Variants in COL25A1 observed in about 807,000 individuals in gnomAD.
COL25A1 encodes collagen alpha-1(XXV) chain.
Under a neutral mutation model 128.4 loss-of-function variants are expected in COL25A1, and 103 were observed. That is an observed-to-expected ratio of 0.80 (90% confidence interval 0.68 to 0.94). The LOEUF (loss-of-function observed/expected upper bound fraction) is 0.94. Ranked by LOEUF, COL25A1 falls within the 40% of genes least tolerant of loss-of-function variation. The probability of loss-of-function intolerance (pLI) is 0.00; values close to 1 mark genes in which losing one functional copy is unlikely to be tolerated. For synonymous variants in COL25A1, 279 were observed against 277.2 expected (o/e 1.01, Z -0.06); for missense variants, 745 against 840.0 (o/e 0.89, Z 1.40).
At chr4:109,000,761 A>C (rs1187109901) in intron 6 of COL25A1, among the ~76,000 whole-genome samples, 8 of 142,858 alleles carry the variant, frequency 5.6e-5, no homozygotes, top group African/African-American at 1.8e-4. Flanking sequence ...AAAAAAAAAA[A>C]AAAAAAAGAA....
chr4:109,251,335 C>A (rs952332682), intron 3 of COL25A1, among the ~76,000 whole-genome samples: 1 of 152,166 alleles, frequency 6.6e-6, no homozygotes, highest in Admixed American at 6.5e-5. Context: ...TGTTTCTTTA[C>A]CTGGTAGAGT....
intron 3 of COL25A1, among the ~76,000 whole-genome samples, chr4:109,101,833 A>G (rs1342184558): frequency 1.3e-5 from 2 of 152,106 alleles, no homozygotes; most frequent in Non-Finnish European, 2.9e-5. Flanking sequence ...CCCCTTTCAC[A>G]CATCCTGAAC....
Position 109,206,643 on chromosome 4 carries a change from A to G in COL25A1, c.367+93940T>C, listed in dbSNP as rs150655907. Among the ~76,000 whole-genome samples, 680 of 152,306 alleles carry G rather than the reference A, an allele frequency of 4.5e-3. 6 individuals carry two copies. The highest frequency in any genetic ancestry group is 0.017 in the Middle Eastern group (5 of 294). On this transcript the variant is annotated intron_variant, in intron 3 of 37. Transcript: ENST00000399132. The stretch of plus-strand genomic sequence containing the variant: ...GATGCTGCTCTATTTGGCCATCTTC[A>G]GTGCTCTAAAAGAATCCAGATTTTT...
At chr4:108,956,513 C>A (rs1282583702) in intron 8 of COL25A1, among the ~76,000 whole-genome samples, 1 of 152,214 alleles carries the variant, frequency 6.6e-6, no homozygotes, top group Non-Finnish European at 1.5e-5. Flanking sequence ...TCAAGTGATT[C>A]TCCTGCCTCA....
At chr4:109,200,711 C>T (rs1164884215) in intron 3 of COL25A1, among the ~76,000 whole-genome samples, 1 of 152,182 alleles carries the variant, frequency 6.6e-6, no homozygotes, top group Non-Finnish European at 1.5e-5. Context: ...CTTGGCCTCC[C>T]AAAGTGCTGG....
intron 3 of COL25A1, among the ~76,000 whole-genome samples, chr4:109,056,695 C>T (rs1342010107): frequency 1.3e-5 from 2 of 151,328 alleles, no homozygotes; most frequent in South Asian, 2.1e-4. Context: ...TCAGTATATA[C>T]ATTAGACCAC....
chr4:109,286,628 G>A (rs1723916441), intron 3 of COL25A1, among the ~76,000 whole-genome samples: 1 of 152,094 alleles, frequency 6.6e-6, no homozygotes, highest in African/African-American at 2.4e-5. Context: ...AAGCAGTCTT[G>A]GTTATGGAAG....
At chr4:108,879,666 C>T (rs1277881422) in intron 19 of COL25A1, among the ~76,000 whole-genome samples, 1 of 152,022 alleles carries the variant, frequency 6.6e-6, no homozygotes, top group Admixed American at 6.6e-5. Context: ...AGGCTGGTCT[C>T]GAACTCCTGA....
At chr4:109,030,743 T>C (rs545372791) in intron 5 of COL25A1, among the ~76,000 whole-genome samples, 1 of 150,136 alleles carries the variant, frequency 6.7e-6, no homozygotes, top group African/African-American at 2.5e-5. Context: ...TTTAAAAGGG[T>C]AAAACTTCAT....
chr4:109,217,016 C>T (rs1231769086), intron 3 of COL25A1, among the ~76,000 whole-genome samples: 1 of 152,072 alleles, frequency 6.6e-6, no homozygotes, highest in East Asian at 1.9e-4. Flanking sequence ...TTACATTACT[C>T]TTTTTAAAAA....
At chr4:108,881,361 T>G (rs2125830491) in intron 19 of COL25A1, among the ~76,000 whole-genome samples, 1 of 152,208 alleles carries the variant, frequency 6.6e-6, no homozygotes, top group East Asian at 1.9e-4. Context: ...GAATCAAAGC[T>G]TCCCTGGTAT....
At chr4:109,112,969 C>G (rs3108939) in intron 3 of COL25A1, among the ~76,000 whole-genome samples, 32,244 of 151,978 alleles carry the variant, frequency 0.21, 4,071 homozygotes, top group East Asian at 0.39. Context: ...GACCCCTGAA[C>G]AGTCAAGTTT....
At position 108,889,750 on chromosome 4, in the gene COL25A1, GAGA is replaced by G. The variant is rs1322192536; in HGVS notation, c.907-20_907-18del. Reference sequence around the variant, plus strand: ...AGGGTCACCCTAAAACGAAACCCAGGAGAGATTATCTCACAAGTTATGGGAATA... The same window carrying G: ...AGGGTCACCCTAAAACGAAACCCAGGGATTATCTCACAAGTTATGGGAATA... On this transcript the variant is annotated intron_variant, in intron 16 of 37. Coordinates refer to ENST00000399132, the MANE Select transcript of COL25A1 (RefSeq NM_198721.4). 6.2e-7 allele frequency: 1 copy of G among 1,611,570 alleles called. No individual in the cohort carries two copies.
chr4:109,108,725 T>TA (rs1766698040), intron 3 of COL25A1, among the ~76,000 whole-genome samples: 1 of 152,170 alleles, frequency 6.6e-6, no homozygotes. Flanking sequence ...AGGTGATTTT[T>TA]AAAAAAAATA....
chr4:109,075,942 A>T (rs1164801668), intron 3 of COL25A1, among the ~76,000 whole-genome samples: 2 of 152,200 alleles, frequency 1.3e-5, no homozygotes, highest in Non-Finnish European at 2.9e-5. Flanking sequence ...ACAGATAGAA[A>T]ATATTTGGGA....
intron 16 of COL25A1, among the ~76,000 whole-genome samples, chr4:108,890,954 C>A (rs1369479022): frequency 6.6e-6 from 1 of 152,196 alleles, no homozygotes; most frequent in Non-Finnish European, 1.5e-5. Flanking sequence ...CATCTTACTC[C>A]GTAGCATCAT....
chr4:108,848,727 T>C (rs1735402455), intron 27 of COL25A1, 32 bp downstream of exon 27: 1 of 1,455,122 alleles, frequency 6.9e-7, no homozygotes, highest in Non-Finnish European at 9.6e-7. Flanking sequence ...AGAATGATGC[T>C]TTAAATAATA....
At chr4:108,890,611 G>A (rs1460410832) in intron 16 of COL25A1, among the ~76,000 whole-genome samples, 1 of 152,152 alleles carries the variant, frequency 6.6e-6, no homozygotes, top group Non-Finnish European at 1.5e-5. Context: ...AGCCCTCTCT[G>A]TCTCATGAAT....
chr4:108,813,517 A>G lies in COL25A1; in HGVS notation c.*410T>C, dbSNP rs186474560. 189 of 162,274 alleles carry G rather than the reference A, an allele frequency of 1.2e-3. No individual in the cohort carries two copies. The highest frequency in any genetic ancestry group is 4.3e-3 in the African/African-American group (181 of 41,818). The allele number at this position is 162,274 out of a possible 1,614,324, so 10.1% of individuals were successfully genotyped here. ...AATGGGAATGTGATAATCAGCTCTA[A>G]AATCAGTCAGTATAGTACATTTTCA... On this transcript the variant is annotated 3_prime_UTR_variant, in exon 38 of 38. Coordinates refer to ENST00000399132, the MANE Select transcript of COL25A1 (RefSeq NM_198721.4).
Sources: gnomAD v4.1 joint callset for allele counts (sites outside exome capture counted in the v4.1 genomes callset) on GRCh38, gnomAD v4.1.1 for gene constraint, MANE v1.5 for transcripts, NCBI Gene and HGNC (gene_info 2026-07-23, HGNC 2026-07-21) for gene names.